RYR1: variants seen among roughly 807,000 people sequenced by gnomAD.
The protein encoded by RYR1 is ryanodine receptor 1, also known as central core disease of muscle.
In RYR1, 342 loss-of-function variants were observed where a neutral mutation model predicts 583.5. The ratio of observed to expected loss-of-function variants is 0.59; its 90% confidence interval spans 0.54 to 0.64. RYR1 has a LOEUF of 0.64. Among genes scored for constraint, RYR1 ranks in the 30% least tolerant of loss-of-function variants. RYR1 has a pLI of 0.00. For missense variants in RYR1, 6,032 were observed against 6,917.2 expected (o/e 0.87, Z 4.54); for synonymous variants, 2,791 against 2,822.5 (o/e 0.99, Z 0.35).
chr19:38,576,537 A>T lies in RYR1; in HGVS notation c.14172+576A>T, dbSNP rs1966385. Among the ~76,000 whole-genome samples, 89 of 151,740 alleles carry T rather than the reference A, an allele frequency of 5.9e-4. 1 individual carries two copies. The East Asian group carries it at 9.8e-3, about 17-fold the overall frequency. On this transcript the variant is annotated intron_variant, in intron 97 of 105. Transcript: ENST00000359596. ...TCAAGAAATACTGGTTGAGGCCAGGAGCAGTGGCACACGCCTGTAATCCCA... is the reference window on the plus strand; with the variant it reads ...TCAAGAAATACTGGTTGAGGCCAGGTGCAGTGGCACACGCCTGTAATCCCA...
At chr19:38,469,247 G>A (rs553874487) in intron 26 of RYR1, 58 bp from the exon 27 acceptor site, 39 of 1,607,154 alleles carry the variant, frequency 2.4e-5, no homozygotes, top group Non-Finnish European at 3.1e-5. Context: ...TCCTCCCCTC[G>A]GCTCCCTCTG....
At chr19:38,529,981 T>C (rs936644022) in intron 76 of RYR1, among the ~76,000 whole-genome samples, 1 of 152,118 alleles carries the variant, frequency 6.6e-6, no homozygotes, top group African/African-American at 2.4e-5. Context: ...TGTTTATTTA[T>C]TTATTTATTT....
chr19:38,539,531 C>G (rs1422876307), intron 84 of RYR1, among the ~76,000 whole-genome samples: 2 of 152,032 alleles, frequency 1.3e-5, no homozygotes, highest in Non-Finnish European at 2.9e-5. Context: ...AGCCACCATA[C>G]CCAGCCGGGA....
Position 38,543,993 on chromosome 19 carries a change from G to C in RYR1, c.12012+118G>C. 1 of 1,040,886 alleles carries C rather than the reference G, an allele frequency of 9.6e-7. No individual in the cohort carries two copies. Among genetic ancestry groups the C allele is most frequent in the South Asian group, 1.4e-5 (1 of 73,670 alleles). The allele number at this position is 1,040,886 out of a possible 1,614,324, so 64.5% of individuals were successfully genotyped here. On this transcript the variant is annotated intron_variant, in intron 87 of 105. Transcript: ENST00000359596. This position sits in a 1 kb window ranked among gnomAD's most constrained non-coding sequence, Gnocchi z 4.4. The stretch of plus-strand genomic sequence containing the variant: ...GAGTGCTCCCGGCATGTTCCAGACT[G>C]GTTCCCTCTCAGTGGCCAAATCCAT...
intron 87 of RYR1, among the ~76,000 whole-genome samples, chr19:38,544,786 A>G (rs1387809295): frequency 1.3e-5 from 2 of 152,242 alleles, no homozygotes; most frequent in Non-Finnish European, 2.9e-5. Flanking sequence ...TGGTATCATC[A>G]TGTAGAATTC....
chr19:38,577,202 A>G (rs927148656), intron 97 of RYR1, among the ~76,000 whole-genome samples: 3 of 151,920 alleles, frequency 2.0e-5, no homozygotes, highest in East Asian at 1.9e-4. Context: ...CTGCCTTTCT[A>G]TTTCTGGCTT....
intron 84 of RYR1, among the ~76,000 whole-genome samples, chr19:38,539,132 G>C (rs531452591): frequency 1.1e-4 from 16 of 151,874 alleles, no homozygotes; most frequent in Non-Finnish European, 2.1e-4. Flanking sequence ...TTTCAACAAA[G>C]GATAAAGTAT....
Position 38,505,050 on chromosome 19 carries a change from A to G in RYR1, c.8279A>G (p.Glu2760Gly), listed in dbSNP as rs1156324962. 3.1e-6 allele frequency: 5 copies of G among 1,614,090 alleles called. No homozygotes were observed. The highest frequency in any genetic ancestry group is 4.2e-6 in the Non-Finnish European group (5 of 1,180,014). ...KLDSFINKFA[E>G]YTHEKWAFDK... ...GACTCCTTCATTAACAAGTTTGCGG[A>G]GTACACACACGAGAAGTGGGCCTTC... The change falls in exon 52 of 106, where the codon GAG becomes GGG. Residue 2760 changes from glutamate to glycine, a missense_variant. By Grantham distance (98) the Glu-to-Gly change is moderately conservative (BLOSUM62 -2). Coordinates refer to ENST00000359596, the MANE Select transcript of RYR1 (RefSeq NM_000540.3).
rs767380777 is a variant in RYR1 at position 38,510,576 on chromosome 19, G to A, written c.9000+11G>A. 1 of 1,614,076 alleles carries A rather than the reference G, an allele frequency of 6.2e-7. No individual in the cohort carries two copies. Among genetic ancestry groups the A allele is most frequent in the Non-Finnish European group, 8.5e-7 (1 of 1,180,018 alleles). On this transcript the variant is annotated intron_variant, in intron 59 of 105. Coordinates refer to ENST00000359596, the MANE Select transcript of RYR1 (RefSeq NM_000540.3). The stretch of plus-strand genomic sequence containing the variant: ...AAATTCTTTGCCAAGGTGAGAGGTG[G>A]GCTTAGAAGCTGGAGGGCGCTGGGG...
At position 38,525,509 on chromosome 19, in the gene RYR1, GCCCAGCCCCGTC is replaced by G; in HGVS notation, c.10626+9_10626+20del. 4 of 1,613,236 alleles carry G rather than the reference GCCCAGCCCCGTC, an allele frequency of 2.5e-6. No individual in the cohort carries two copies. Among genetic ancestry groups the G allele is most frequent in the Non-Finnish European group, 3.4e-6 (4 of 1,179,754 alleles). ...CAAGACCCGTTACGCCCTGGTGCCT[GCCCAGCCCCGTC>G]CTCGGAACCTTCCAGGATGCCGCCC... is the stretch of plus-strand genomic sequence containing the variant. On this transcript the variant is annotated splice_region_variant and intron_variant, in intron 71 of 105. Coordinates refer to ENST00000359596, the MANE Select transcript of RYR1 (RefSeq NM_000540.3).
At chr19:38,490,975 G>C (rs1023312821) in intron 37 of RYR1, among the ~76,000 whole-genome samples, 6 of 152,218 alleles carry the variant, frequency 3.9e-5, no homozygotes, top group African/African-American at 1.4e-4. Context: ...TTGATGGATA[G>C]AAGAAGTGGG....
In RYR1 at chr19:38,486,382, C is replaced by T. The variant is rs151180318; in HGVS notation, c.5547+180C>T. 0.024 allele frequency among the ~76,000 whole-genome samples: 3,703 copies of T among 152,200 alleles called. 73 individuals are homozygous for T. Among genetic ancestry groups the T allele is most frequent in the African/African-American group, 0.025 (1,037 of 41,528 alleles). ...TTTTTTCGAGACGGAGTCTCACTGT[C>T]GCCCAGGCTGGAGTGCAGTGGCGCA... On this transcript the variant is annotated intron_variant, in intron 34 of 105. Transcript: ENST00000359596.
intron 67 of RYR1, among the ~76,000 whole-genome samples, chr19:38,520,692 T>TTAA (rs1971187560): frequency 1.0e-4 from 5 of 48,554 alleles, no homozygotes; most frequent in Admixed American, 3.6e-4. Context: ...AGGCTCCACC[T>TTAA]CAAAAAAAAA....
intron 96 of RYR1, among the ~76,000 whole-genome samples, chr19:38,573,750 G>T (rs976288141): frequency 1.3e-5 from 2 of 151,438 alleles, no homozygotes; most frequent in African/African-American, 4.9e-5. Flanking sequence ...TTCTCCCCAA[G>T]TCTTACTCTT....
chr19:38,464,805 C>A, intron 23 of RYR1, 83 bp downstream of exon 23: 2 of 1,265,168 alleles, frequency 1.6e-6, no homozygotes, highest in Non-Finnish European at 2.3e-6. Flanking sequence ...GTCGAGGGGT[C>A]TTGTGGGGAG....
intron 101 of RYR1, among the ~76,000 whole-genome samples, chr19:38,582,353 C>T (rs1225787740): frequency 6.6e-6 from 1 of 151,696 alleles, no homozygotes; most frequent in Non-Finnish European, 1.5e-5. Flanking sequence ...GCCGAGATTG[C>T]GCCACTGCAC....
At chr19:38,567,009 G>A in intron 92 of RYR1, 22 bp downstream of exon 92, 1 of 1,569,082 alleles carries the variant, frequency 6.4e-7, no homozygotes, top group Non-Finnish European at 8.6e-7. Flanking sequence ...TGGGGCTGAG[G>A]GGCCTAGCCC....
chr19:38,538,413 G>T (rs117560848), intron 84 of RYR1: 3,862 of 172,148 alleles, frequency 0.022, 102 homozygotes, highest in Admixed American at 0.072. Context: ...AAAAAACCTC[G>T]CTGGAATTTC....
chr19:38,530,186 T>C (rs113883435), intron 76 of RYR1, among the ~76,000 whole-genome samples: 14,727 of 152,134 alleles, frequency 0.097, 843 homozygotes, highest in South Asian at 0.25. Flanking sequence ...ACTCCTGACC[T>C]CAAGTGATCT....
Sources: gnomAD v4.1 joint callset for allele counts (sites outside exome capture counted in the v4.1 genomes callset) on GRCh38, gnomAD v4.1.1 for gene constraint, Gnocchi (gnomAD v3.1) non-coding constraint, MANE v1.5 for transcripts, NCBI Gene and HGNC (gene_info 2026-07-23, HGNC 2026-07-21) for gene names.